SPATA6: variants seen among roughly 807,000 people sequenced by gnomAD.
SPATA6 encodes spermatogenesis-associated protein 6.
In SPATA6, 56 loss-of-function variants were observed where a neutral mutation model predicts 65.3. The ratio of observed to expected loss-of-function variants is 0.86; its 90% confidence interval spans 0.69 to 1.07. The LOEUF is 1.07. Among genes scored for constraint, SPATA6 ranks in the 50% least tolerant of loss-of-function variants. The pLI is 0.00. For missense variants in SPATA6, 590 were observed against 594.8 expected (o/e 0.99, Z 0.08); for synonymous variants, 199 against 213.2 (o/e 0.93, Z 0.58).
chr1:48,264,971 G>T, the SPATA6 span, among the ~76,000 whole-genome samples: 1 of 152,144 alleles, frequency 6.6e-6, no homozygotes, highest in African/African-American at 2.4e-5. Flanking sequence ...TGAACTAAAA[G>T]TTCCCTGAAT....
At chr1:48,357,115 C>T (rs1488511400) in intron 10 of SPATA6, among the ~76,000 whole-genome samples, 1 of 152,082 alleles carries the variant, frequency 6.6e-6, no homozygotes, top group African/African-American at 2.4e-5. Context: ...TGCTTGCTTG[C>T]CAGTCTAATT....
intron 9 of SPATA6, among the ~76,000 whole-genome samples, chr1:48,373,778 C>T (rs1441960240): frequency 1.3e-5 from 2 of 152,144 alleles, no homozygotes. Flanking sequence ...AGCAGAAACC[C>T]CTGATAAACC....
At chr1:48,409,765 C>T (rs1402831374) in intron 5 of SPATA6, among the ~76,000 whole-genome samples, 4 of 152,242 alleles carry the variant, frequency 2.6e-5, no homozygotes, top group South Asian at 2.1e-4. Context: ...TCTGAAGCCA[C>T]GACCCAAGCT....
intron 12 of SPATA6, among the ~76,000 whole-genome samples, chr1:48,304,395 A>G (rs1645009891): frequency 6.6e-6 from 1 of 152,228 alleles, no homozygotes; most frequent in African/African-American, 2.4e-5. Context: ...TTGGTAGCTG[A>G]AAAAAGAACC....
chr1:48,359,814 C>CTGT, intron 9 of SPATA6, 44 bp from the exon 10 acceptor site: 1 of 1,398,708 alleles, frequency 7.1e-7, no homozygotes, highest in Non-Finnish European at 9.8e-7. Flanking sequence ...AATACAGATA[C>CTGT]ATATGTATAT....
chr1:48,382,704 G>A (rs1247122456), intron 9 of SPATA6, among the ~76,000 whole-genome samples: 1,885 of 25,966 alleles, frequency 0.073, no homozygotes, highest in Admixed American at 0.099. Flanking sequence ...CAGTAGGGGC[G>A]GCCGGGCAGA....
At chr1:48,361,980 C>A (rs1646827180) in intron 9 of SPATA6, among the ~76,000 whole-genome samples, 1 of 152,018 alleles carries the variant, frequency 6.6e-6, no homozygotes, top group Non-Finnish European at 1.5e-5. Flanking sequence ...AATATGTGAT[C>A]AAGACTGAAG....
chr1:48,410,354 C>CAGCA lies in SPATA6; in HGVS notation c.405+1106_405+1109dup, dbSNP rs1313348725. On this transcript the variant is annotated intron_variant, in intron 5 of 12. Coordinates refer to ENST00000371847, the MANE Select transcript of SPATA6 (RefSeq NM_019073.4). Reference sequence around the variant, plus strand: ...TGGACTTCATTGTCTATATCACTAACAGCATTATAGTCAAAGCCATTCAAC... The same window carrying CAGCA: ...TGGACTTCATTGTCTATATCACTAACAGCAAGCATTATAGTCAAAGCCATTCAAC... Among the ~76,000 whole-genome samples the CAGCA allele has an allele frequency of 2.0e-5, 3 of 152,178 alleles. No homozygotes were observed. The East Asian group carries it at 5.8e-4, about 29-fold the overall frequency.
At chr1:48,307,673 T>G (rs1296156415) in intron 11 of SPATA6, among the ~76,000 whole-genome samples, 1 of 151,674 alleles carries the variant, frequency 6.6e-6, no homozygotes, top group African/African-American at 2.4e-5. Context: ...GTCTGTCCTA[T>G]CCACTGGTGA....
chr1:48,264,486 A>T, the SPATA6 span, among the ~76,000 whole-genome samples: 1 of 152,266 alleles, frequency 6.6e-6, no homozygotes, highest in South Asian at 2.1e-4. Flanking sequence ...CGTCATCTAC[A>T]TTAGGTATTT....
intron 11 of SPATA6, among the ~76,000 whole-genome samples, chr1:48,332,163 AC>A (rs376711873): frequency 3.3e-5 from 5 of 152,336 alleles, no homozygotes; most frequent in African/African-American, 1.2e-4. Context: ...TTATAAAGCC[AC>A]CACACAAACA....
chr1:48,265,837 C>G, the SPATA6 span, among the ~76,000 whole-genome samples: 1 of 152,198 alleles, frequency 6.6e-6, no homozygotes, highest in Admixed American at 6.5e-5. Context: ...AAAGCCTCAT[C>G]AGCTTTAGAC....
At chr1:48,356,865 C>T (rs903294542) in intron 10 of SPATA6, among the ~76,000 whole-genome samples, 1 of 152,108 alleles carries the variant, frequency 6.6e-6, no homozygotes, top group African/African-American at 2.4e-5. Flanking sequence ...ATGTTTTATA[C>T]AATCTACTTT....
chr1:48,459,441 A>G (rs1657255939), intron 1 of SPATA6, among the ~76,000 whole-genome samples: 1 of 152,172 alleles, frequency 6.6e-6, no homozygotes, highest in African/African-American at 2.4e-5. Flanking sequence ...TAACACAATC[A>G]AATTAAATTA....
intron 11 of SPATA6, among the ~76,000 whole-genome samples, chr1:48,327,774 G>T (rs1570141408): frequency 6.6e-6 from 1 of 152,072 alleles, no homozygotes; most frequent in Non-Finnish European, 1.5e-5. Flanking sequence ...TAGGTGCACT[G>T]GACACAAAGA....
the SPATA6 span, among the ~76,000 whole-genome samples, chr1:48,286,479 GAAGT>G: frequency 1.6e-4 from 24 of 152,074 alleles, 1 homozygote; most frequent in African/African-American, 5.6e-4. Context: ...TTAGGGTATA[GAAGT>G]AATACTGATT....
intron 1 of SPATA6, among the ~76,000 whole-genome samples, chr1:48,454,234 C>G (rs1323544106): frequency 6.6e-6 from 1 of 151,988 alleles, no homozygotes. Context: ...TAAAGGCTCT[C>G]TAAGATTTGA....
At chr1:48,443,829 C>T (rs1209777150) in intron 3 of SPATA6, among the ~76,000 whole-genome samples, 2 of 152,170 alleles carry the variant, frequency 1.3e-5, no homozygotes, top group African/African-American at 4.8e-5. Flanking sequence ...GTATTTTTAA[C>T]CTCCTTGTCA....
Position 48,298,827 on chromosome 1 carries a change from G to A in SPATA6, c.1353C>T (p.Ala451=), listed in dbSNP as rs150203833. ...GTCGGTGGGATTTTCCCTTATAAGA[G>A]GCTGCCCTGTTGGACCAGTATTCAC... ...DDGEYWSNRA[A]SYKGKSHRPI... is the part of the protein sequence containing the mutation. The change falls in exon 13 of 13, where the codon GCC becomes GCT. Residue 451 remains alanine (A), a synonymous_variant. Transcript: ENST00000371847. 15 of 1,613,880 alleles carry A rather than the reference G, an allele frequency of 9.3e-6. No individual in the cohort carries two copies. Among genetic ancestry groups the A allele is most frequent in the Admixed American group, 3.3e-5 (2 of 59,986 alleles).
Sources: gnomAD v4.1 joint callset for allele counts (sites outside exome capture counted in the v4.1 genomes callset) on GRCh38, gnomAD v4.1.1 for gene constraint, MANE v1.5 for transcripts, NCBI Gene and HGNC (gene_info 2026-07-23, HGNC 2026-07-21) for gene names.